The following SNTG2 variants were observed in gnomAD, a reference collection of about 807,000 sequenced individuals.
SNTG2 encodes the protein gamma-2-syntrophin.
SNTG2 carries 74 observed loss-of-function variants against 70.9 expected under a neutral mutation model. That is an observed-to-expected ratio of 1.04 (90% CI 0.86 to 1.27). SNTG2 has a LOEUF of 1.27. SNTG2 is among the 50% of genes most tolerant of loss of function. SNTG2 has a pLI of 0.00. For missense variants in SNTG2, 717 were observed against 690.7 expected (o/e 1.04, Z -0.43); for synonymous variants, 278 against 273.8 (o/e 1.02, Z -0.15).
intron 1 of SNTG2, among the ~76,000 whole-genome samples, chr2:977,429 T>G (rs1660943919): frequency 6.6e-6 from 1 of 152,112 alleles, no homozygotes; most frequent in Non-Finnish European, 1.5e-5. Flanking sequence ...TCGCTGGATT[T>G]AACTGATTCC....
At chr2:1,033,375 C>T (rs982693156) in intron 1 of SNTG2, among the ~76,000 whole-genome samples, 1 of 152,128 alleles carries the variant, frequency 6.6e-6, no homozygotes, top group Non-Finnish European at 1.5e-5. Flanking sequence ...CCAATTCTGA[C>T]AGTTTTTTGG....
chr2:990,109 G>A (rs1661441835), intron 1 of SNTG2, among the ~76,000 whole-genome samples: 2 of 152,196 alleles, frequency 1.3e-5, no homozygotes, highest in Non-Finnish European at 2.9e-5. Flanking sequence ...TTAAAAATCC[G>A]CTTTTATTGC....
At position 1,080,228 on chromosome 2, in the gene SNTG2, A is replaced by G. The variant is rs565944421; in HGVS notation, c.73-3290A>G. On this transcript the variant is annotated intron_variant, in intron 1 of 16. Transcript: ENST00000308624. ...AGAAATTAGGCTAGCCAGAGCTCCTATTGCTAGGGAGATTCCTAGGTCATC... is the reference window on the plus strand; with the variant it reads ...AGAAATTAGGCTAGCCAGAGCTCCTGTTGCTAGGGAGATTCCTAGGTCATC... Among the ~76,000 whole-genome samples, 7 of 152,302 alleles carry G rather than the reference A, an allele frequency of 4.6e-5. No individual in the cohort carries two copies. In the East Asian group the frequency reaches 9.7e-4, roughly 21 times the overall value.
chr2:1,034,962 G>A (rs980805881), intron 1 of SNTG2, among the ~76,000 whole-genome samples: 4 of 152,072 alleles, frequency 2.6e-5, no homozygotes, highest in African/African-American at 9.7e-5. Flanking sequence ...CACACAGTAG[G>A]ACATAAAACA....
intron 14 of SNTG2, among the ~76,000 whole-genome samples, chr2:1,287,896 C>G (rs1417475411): frequency 2.0e-5 from 3 of 152,088 alleles, no homozygotes; most frequent in Non-Finnish European, 4.4e-5. Context: ...CTTTAAGACC[C>G]GAGAATGACC....
At chr2:1,261,346 C>A (rs997117071) in intron 13 of SNTG2, among the ~76,000 whole-genome samples, 7 of 152,118 alleles carry the variant, frequency 4.6e-5, no homozygotes, top group Non-Finnish European at 8.8e-5. Flanking sequence ...CATATAGATT[C>A]TTTAAATATC....
At chr2:1,287,660 C>T (rs1229820949) in intron 14 of SNTG2, among the ~76,000 whole-genome samples, 1 of 152,184 alleles carries the variant, frequency 6.6e-6, no homozygotes, top group African/African-American at 2.4e-5. Context: ...GAATAGCATG[C>T]GCCAGACAGC....
chr2:1,233,125 A>T (rs1676371857), intron 9 of SNTG2, among the ~76,000 whole-genome samples: 1 of 152,246 alleles, frequency 6.6e-6, no homozygotes, highest in African/African-American at 2.4e-5. Flanking sequence ...AAAACTGGAC[A>T]GCTTATTAAA....
At chr2:1,031,528 A>ATATATATATATATCTATATTTTTT in intron 1 of SNTG2, among the ~76,000 whole-genome samples, 1 of 59,142 alleles carries the variant, frequency 1.7e-5, no homozygotes, top group Non-Finnish European at 3.1e-5. Flanking sequence ...ATATATATAT[A>ATATATATATATATCTATATTTTTT]TTTTTTTTTT....
chr2:1,287,247 T>C (rs1194684734), intron 14 of SNTG2, among the ~76,000 whole-genome samples: 2 of 152,234 alleles, frequency 1.3e-5, no homozygotes, highest in East Asian at 3.9e-4. Context: ...GTGAAAACTT[T>C]TGAACAATTT....
In SNTG2 at chr2:1,367,430, A is replaced by G. The variant is rs1184395263; in HGVS notation, c.1576A>G (p.Met526Val). Residue 526 changes from methionine to valine, a missense_variant, in exon 17 of 17, where the codon ATG (methionine) becomes GTG (valine). Met to Val is a conservative substitution (Grantham distance 21). Transcript: ENST00000308624. ...AKVASVDPGF[M>V]DSQSLARKYM... Reference sequence around the variant, plus strand: ...GGTGGCCTCCGTGGACCCCGGCTTCATGGACAGTCAGAGTCTTGCCAGAAA... The same window carrying G: ...GGTGGCCTCCGTGGACCCCGGCTTCGTGGACAGTCAGAGTCTTGCCAGAAA... The G allele has an allele frequency of 1.3e-6, 2 of 1,551,748 alleles. No individual in the cohort carries two copies. The highest frequency in any genetic ancestry group is 1.7e-4 in the Middle Eastern group (1 of 5,992).
Position 1,048,683 on chromosome 2 carries a change from G to A in SNTG2, c.73-34835G>A, listed in dbSNP as rs546001650. ...ACATATTTGTGCAGCTCTGTTGAGC[G>A]AAAACCTGAGAGTGGAATTGCAGCT... is the stretch of plus-strand genomic sequence containing the variant. On this transcript the variant is annotated intron_variant, in intron 1 of 16. Transcript: ENST00000308624. 9.2e-5 allele frequency among the ~76,000 whole-genome samples: 14 copies of A among 152,202 alleles called. No homozygotes were observed. In the South Asian group the frequency reaches 1.2e-3, roughly 14 times the overall value.
At chr2:1,120,808 G>A (rs1432680287) in intron 4 of SNTG2, among the ~76,000 whole-genome samples, 2 of 152,028 alleles carry the variant, frequency 1.3e-5, no homozygotes, top group African/African-American at 2.4e-5. Context: ...AACAGTAATA[G>A]GGGACTTCAG....
At chr2:1,064,405 G>A (rs1309603360) in intron 1 of SNTG2, among the ~76,000 whole-genome samples, 4 of 151,168 alleles carry the variant, frequency 2.6e-5, no homozygotes. Context: ...ATTTATGTAT[G>A]TTTTAATGCA....
chr2:1,209,768 T>G (rs1464885875), intron 9 of SNTG2, among the ~76,000 whole-genome samples: 5 of 152,252 alleles, frequency 3.3e-5, no homozygotes, highest in Non-Finnish European at 7.3e-5. Context: ...TATGCTTGGC[T>G]AATTGTGCTA....
intron 4 of SNTG2, chr2:1,103,402 TA>T: frequency 3.5e-6 from 1 of 284,282 alleles, no homozygotes; most frequent in Non-Finnish European, 7.0e-6. Flanking sequence ...TTTTTTTTTT[TA>T]GATGGAGTCT....
intron 14 of SNTG2, among the ~76,000 whole-genome samples, chr2:1,300,215 T>G (rs1242285985): frequency 6.6e-6 from 1 of 151,730 alleles, no homozygotes; most frequent in East Asian, 2.0e-4. Context: ...CCATCACCGC[T>G]CTGAAGGGTG....
chr2:981,549 G>GCA (rs1217955254), intron 1 of SNTG2, among the ~76,000 whole-genome samples: 1 of 152,006 alleles, frequency 6.6e-6, no homozygotes, highest in East Asian at 1.9e-4. Context: ...GCACACACAT[G>GCA]CACACACACA....
At chr2:1,137,379 C>A (rs1668458650) in intron 4 of SNTG2, among the ~76,000 whole-genome samples, 1 of 151,284 alleles carries the variant, frequency 6.6e-6, no homozygotes, top group Non-Finnish European at 1.5e-5. Context: ...ATCAACAGAT[C>A]CACACACTCA....
Sources: gnomAD v4.1 joint callset for allele counts (sites outside exome capture counted in the v4.1 genomes callset) on GRCh38, gnomAD v4.1.1 for gene constraint, MANE v1.5 for transcripts, NCBI Gene and HGNC (gene_info 2026-07-23, HGNC 2026-07-21) for gene names.